Variants in FAAP100 observed in about 807,000 individuals in gnomAD.
FAAP100 encodes Fanconi anemia core complex-associated protein 100.
In FAAP100, 46 loss-of-function variants were observed where a neutral mutation model predicts 65.8. The observed-to-expected ratio is 0.70, with a 90% confidence interval of 0.55 to 0.89. The LOEUF is 0.89. Among genes scored for constraint, FAAP100 ranks in the 40% least tolerant of loss-of-function variants. The pLI, the probability that FAAP100 is intolerant of heterozygous loss-of-function variation, is 0.00. For missense variants in FAAP100, 1,165 were observed against 1,196.7 expected, an observed-to-expected ratio of 0.97 and a Z score of 0.39; for synonymous variants, 663 against 555.1, an observed-to-expected ratio of 1.19 and a Z score of -2.73.
chr17:81,541,419 G>A (rs1347673629), intron 7 of FAAP100, 24 bp from the exon 8 acceptor site: 8 of 1,575,156 alleles, frequency 5.1e-6, no homozygotes, highest in African/African-American at 2.7e-5. Context: ...GAGACATGCT[G>A]GAGAGGGTGT....
At chr17:81,541,642 C>T (rs1722505291) in intron 7 of FAAP100, among the ~76,000 whole-genome samples, 3 of 152,244 alleles carry the variant, frequency 2.0e-5, no homozygotes, top group Admixed American at 6.5e-5. Context: ...GTTCTTTTCT[C>T]TCCATCGCTG....
Position 81,545,872 on chromosome 17 carries a change from CA to C in FAAP100, c.2183del (p.Leu728ArgfsTer19). 1 of 1,607,100 alleles carries C rather than the reference CA, an allele frequency of 6.2e-7. No homozygotes were observed. Among genetic ancestry groups the C allele is most frequent in the Non-Finnish European group, 8.5e-7 (1 of 1,179,748 alleles). On this transcript the variant is annotated frameshift_variant, in exon 6 of 9. Coordinates refer to ENST00000327787, the MANE Select transcript of FAAP100 (RefSeq NM_025161.6). LOFTEE classifies it high-confidence loss of function. The stretch of plus-strand genomic sequence containing the variant: ...GGAGCCACTGCAGGGTGGCACAGCA[CA>C]GGGGCACGCCTGGAGGGGAGGCATC... The part of the protein sequence containing the change: ...ALKDGHSGVP[L>X]CCATLQWLLA...
In FAAP100 at chr17:81,550,651, G is replaced by T; in HGVS notation, c.843C>A (p.Pro281=). ...TCTTCAAGGCCCCTATGAAGATGACGGGCTCCTCCAGGTGATGGAGGATCT... is the reference window on the plus strand; with the variant it reads ...TCTTCAAGGCCCCTATGAAGATGACTGGCTCCTCCAGGTGATGGAGGATCT... The part of the protein sequence containing the change: ...LVKILHHLEE[P]VIFIGALKTE... Residue 281 remains proline (P), a synonymous_variant, in exon 3 of 9, where the codon CCC becomes CCA. Coordinates refer to ENST00000327787, the MANE Select transcript of FAAP100 (RefSeq NM_025161.6). 6.2e-7 allele frequency: 1 copy of T among 1,613,010 alleles called. No individual in the cohort carries two copies. Among genetic ancestry groups the T allele is most frequent in the Non-Finnish European group, 8.5e-7 (1 of 1,180,004 alleles).
chr17:81,541,096 A>C, intron 8 of FAAP100, 146 bp from the exon 9 acceptor site: 1 of 1,202,322 alleles, frequency 8.3e-7, no homozygotes, highest in Non-Finnish European at 1.1e-6. Context: ...ACCTTAAAAC[A>C]TGGGACACGC....
At chr17:81,547,836 T>G in intron 4 of FAAP100, 158 bp from the exon 5 acceptor site, 1 of 945,768 alleles carries the variant, frequency 1.1e-6, no homozygotes, top group Non-Finnish European at 1.7e-6. Flanking sequence ...CCCAGGGGCA[T>G]GTTTCTCCCG....
At chr17:81,540,988 G>A (rs1183517673) in intron 8 of FAAP100, 38 bp from the exon 9 acceptor site, 1 of 1,532,316 alleles carries the variant, frequency 6.5e-7, no homozygotes, top group East Asian at 2.3e-5. Context: ...CCCCCCACCT[G>A]GCCCTGGGGA....
intron 4 of FAAP100, chr17:81,548,001 T>G (rs2033371607): frequency 1.4e-6 from 1 of 700,418 alleles, no homozygotes; most frequent in Non-Finnish European, 2.6e-6. Flanking sequence ...CACCCACATC[T>G]GGGCCACGCA....
chr17:81,549,744 G>A (rs769771289), intron 3 of FAAP100, among the ~76,000 whole-genome samples: 1 of 152,176 alleles, frequency 6.6e-6, no homozygotes, highest in African/African-American at 2.4e-5. Flanking sequence ...CCCCAACACT[G>A]GGCACACACA....
At position 81,540,521 on chromosome 17, in the gene FAAP100, A is replaced by C. The variant is rs550592035; in HGVS notation, c.*298T>G. On this transcript the variant is annotated 3_prime_UTR_variant, in exon 9 of 9. Coordinates refer to ENST00000327787, the MANE Select transcript of FAAP100 (RefSeq NM_025161.6). ...TGCGGTGGTGGGAAGGCTGCCCAGC[A>C]GTGAGGAAGGCGAGTGCAGGGGCTG... The C allele has an allele frequency of 2.4e-6, 1 of 422,090 alleles. No homozygotes were observed. Among genetic ancestry groups the C allele is most frequent in the South Asian group, 8.5e-5 (1 of 11,698 alleles). The allele number at this position is 422,090 out of a possible 1,614,324, so 26.1% of individuals were successfully genotyped here.
At chr17:81,541,211 G>A in intron 8 of FAAP100, 98 bp downstream of exon 8, 1 of 1,350,888 alleles carries the variant, frequency 7.4e-7, no homozygotes. Flanking sequence ...CATGCGCTGT[G>A]AGGACTCTGC....
chr17:81,552,189 C>A lies in FAAP100; in HGVS notation c.142G>T (p.Asp48Tyr). 8.7e-6 allele frequency: 13 copies of A among 1,498,772 alleles called. No individual in the cohort carries two copies. Among genetic ancestry groups the A allele is most frequent in the Non-Finnish European group, 1.1e-5 (12 of 1,130,778 alleles). The allele number at this position is 1,498,772 out of a possible 1,614,324, so 92.8% of individuals were successfully genotyped here. Residue 48 changes from aspartate to tyrosine, a missense_variant, in exon 1 of 9, where the codon GAC becomes TAC. Physicochemically the swap from Asp to Tyr is radical, Grantham distance 160 (BLOSUM62 -3). Transcript: ENST00000327787. Reference protein sequence around the residue: ...STGSELVYVYDQEGGLLTAAF... With the variant: ...STGSELVYVYYQEGGLLTAAF... ...ACGGTCAGCAGCCCGCCCTCCTGGT[C>A]GTACACGTAGACGAGCTCGCTCCCG...
rs999133076 is a variant in FAAP100, at chr17:81,548,027, A to G, written c.1404-349T>C. 8.7e-6 allele frequency: 6 copies of G among 692,540 alleles called. No individual in the cohort carries two copies. In the African/African-American group the frequency reaches 1.1e-4, roughly 12 times the overall value. The allele number at this position is 692,540 out of a possible 1,614,324, so 42.9% of individuals were successfully genotyped here. A position where few individuals can be genotyped will look rare whatever the true frequency, so the allele number is the denominator to read the frequency against. The stretch of plus-strand genomic sequence containing the variant: ...GGGCCACGCAGGGGCCGGGTGGTGC[A>G]TTACCCCACCCTTGGCTCCCCAGAA... On this transcript the variant is annotated intron_variant, in intron 4 of 8. Coordinates refer to ENST00000327787, the MANE Select transcript of FAAP100 (RefSeq NM_025161.6).
Position 81,551,136 on chromosome 17 carries a change from G to A in FAAP100, c.358C>T (p.Pro120Ser). The change falls in exon 3 of 9, where the codon CCC (proline) becomes TCC (serine). Residue 120 changes from proline (P) to serine (S), a missense_variant. Coordinates refer to ENST00000327787, the MANE Select transcript of FAAP100 (RefSeq NM_025161.6). ...GCATCGGGAAGGATGCAGGCATCGG[G>A]GTCCACAGGGATCACGGGGGAAGGC... ...DQPSPVIPVD[P>S]DACILPDAAL... 1 of 1,550,040 alleles carries A rather than the reference G, an allele frequency of 6.5e-7. No homozygotes were observed. Among genetic ancestry groups the A allele is most frequent in the South Asian group, 1.2e-5 (1 of 84,154 alleles).
chr17:81,542,088 A>G (rs57915753), intron 7 of FAAP100, among the ~76,000 whole-genome samples: 74,366 of 133,110 alleles, frequency 0.56, 20,668 homozygotes, highest in South Asian at 0.68. Context: ...AATGGCGTGA[A>G]CCCAGGAGGC....
chr17:81,540,486 CA>C lies in FAAP100; in HGVS notation c.*332del. 2.4e-6 allele frequency: 1 copy of C among 410,914 alleles called. No individual in the cohort carries two copies. The highest frequency in any genetic ancestry group is 4.3e-6 in the Non-Finnish European group (1 of 233,006). 25.5% of individuals were successfully genotyped at this position (410,914 alleles called of 1,614,324 possible). A position where few individuals can be genotyped will look rare whatever the true frequency, so the allele number is the denominator to read the frequency against. Reference sequence around the variant, plus strand: ...AATGCCCTGCACTGCCTCCTGGCCTCAGGGGCTGCTGCGGTGGTGGGAAGGC... The same window carrying C: ...AATGCCCTGCACTGCCTCCTGGCCTCGGGGCTGCTGCGGTGGTGGGAAGGC... On this transcript the variant is annotated 3_prime_UTR_variant, in exon 9 of 9. Coordinates refer to ENST00000327787, the MANE Select transcript of FAAP100 (RefSeq NM_025161.6).
chr17:81,543,965 C>A, intron 7 of FAAP100, 39 bp downstream of exon 7: 1 of 1,567,452 alleles, frequency 6.4e-7, no homozygotes, highest in Non-Finnish European at 8.7e-7. Flanking sequence ...AGTGAGCGAC[C>A]CACAGATCCT....
At chr17:81,541,098 G>T in intron 8 of FAAP100, 148 bp from the exon 9 acceptor site, 1 of 1,195,254 alleles carries the variant, frequency 8.4e-7, no homozygotes, top group South Asian at 1.6e-5. Flanking sequence ...CTTAAAACAT[G>T]GGACACGCAG....
At chr17:81,541,193 G>A (rs562164212) in intron 8 of FAAP100, 116 bp downstream of exon 8, 10 of 1,249,374 alleles carry the variant, frequency 8.0e-6, no homozygotes, top group African/African-American at 3.0e-5. Flanking sequence ...GCCCATGGGA[G>A]CGAAGCCCAT....
rs1049981717 is a variant in FAAP100, at chr17:81,540,914, G to A, written c.2551C>T (p.Leu851Phe). 1.9e-6 allele frequency: 3 copies of A among 1,591,324 alleles called. No individual in the cohort carries two copies. Among genetic ancestry groups the A allele is most frequent in the Non-Finnish European group, 2.6e-6 (3 of 1,173,336 alleles). Residue 851 changes from leucine (L) to phenylalanine (F), a missense_variant, in exon 9 of 9, where the codon CTC (leucine) becomes TTC (phenylalanine). Transcript: ENST00000327787. ...GAGCTGGCCTCATCCTCCGTGCAGA[G>A]CCGGTCGCGCAGGGTCTGCACCTCC... is the stretch of plus-strand genomic sequence containing the variant. ...LREVQTLRDR[L>F]CTEDEASSCA...
Sources: gnomAD v4.1 joint callset for allele counts (sites outside exome capture counted in the v4.1 genomes callset) on GRCh38, gnomAD v4.1.1 for gene constraint, MANE v1.5 for transcripts, NCBI Gene and HGNC (gene_info 2026-07-23, HGNC 2026-07-21) for gene names.